RNF214: variants seen among roughly 807,000 people sequenced by gnomAD.
RNF214 encodes ring finger protein 214.
A neutral mutation model predicts 75.9 loss-of-function variants in RNF214; 25 were observed. The observed-to-expected ratio is 0.33, with a 90% CI of 0.24 to 0.46. The LOEUF (loss-of-function observed/expected upper bound fraction) is 0.46, where lower values mean the gene tolerates loss of function less well. RNF214 is among the 20% of genes least tolerant of loss of function. The pLI, the probability that RNF214 is intolerant of heterozygous loss-of-function variation, is 1.00. For synonymous variants in RNF214, 314 were observed against 308.8 expected (o/e 1.02, Z -0.18); for missense variants, 725 against 857.5 (o/e 0.85, Z 1.93).
chr11:117,245,154 C>A (rs55808938), intron 5 of RNF214, among the ~76,000 whole-genome samples: 2 of 149,228 alleles, frequency 1.3e-5, no homozygotes, highest in South Asian at 4.4e-4. Flanking sequence ...CCCATCTTTA[C>A]CAAAAATACA....
intron 12 of RNF214, 79 bp from the exon 13 acceptor site, chr11:117,282,667 C>A: frequency 6.5e-7 from 1 of 1,546,464 alleles, no homozygotes; most frequent in South Asian, 1.1e-5. Context: ...CTTTCCTGGA[C>A]TGGGAAATAA....
intron 6 of RNF214, among the ~76,000 whole-genome samples, chr11:117,269,720 C>G (rs1425420034): frequency 2.0e-5 from 3 of 152,230 alleles, no homozygotes; most frequent in East Asian, 3.9e-4. Context: ...TCTGTCTGAA[C>G]TGTCCTCAGA....
intron 1 of RNF214, among the ~76,000 whole-genome samples, 159 bp from the exon 2 acceptor site, chr11:117,234,108 A>T (rs547729765): frequency 6.6e-6 from 1 of 152,194 alleles, no homozygotes; most frequent in African/African-American, 2.4e-5. Context: ...TTTGCATACA[A>T]TGTCTCTTTT....
intron 6 of RNF214, among the ~76,000 whole-genome samples, chr11:117,252,741 CG>C (rs571631507): frequency 0.013 from 2,013 of 151,908 alleles, 39 homozygotes; most frequent in African/African-American, 0.044. Flanking sequence ...AGGATGGTCT[CG>C]CTCTCCTGAC....
Position 117,282,208 on chromosome 11 carries a change from AC to A in RNF214, c.1652del (p.Pro551GlnfsTer2). ...KASAETPRPQ[P>X]VDKLEKILEK... ...CTTCTGCTGAAACTCCCCGGCCCCA[AC>A]CAGTAGACAAACTGGAGAAGATCCT... On this transcript the variant is annotated frameshift_variant, in exon 11 of 15. Coordinates refer to ENST00000300650, the MANE Select transcript of RNF214 (RefSeq NM_207343.4). LOFTEE classifies it high-confidence loss of function. The A allele has an allele frequency of 6.2e-7, 1 of 1,611,990 alleles. No individual in the cohort carries two copies. The highest frequency in any genetic ancestry group is 8.5e-7 in the Non-Finnish European group (1 of 1,178,886).
At chr11:117,255,221 A>C (rs1293786731) in intron 6 of RNF214, among the ~76,000 whole-genome samples, 1 of 152,162 alleles carries the variant, frequency 6.6e-6, no homozygotes. Flanking sequence ...TCATCAATGG[A>C]AACTTCCCTC....
intron 6 of RNF214, among the ~76,000 whole-genome samples, chr11:117,263,164 A>G (rs768332315): frequency 1.3e-5 from 2 of 150,790 alleles, no homozygotes; most frequent in Non-Finnish European, 3.0e-5. Flanking sequence ...TTGAAACTGT[A>G]TTGTTAGATA....
At chr11:117,263,378 C>T (rs11216341) in intron 6 of RNF214, among the ~76,000 whole-genome samples, 11,592 of 151,762 alleles carry the variant, frequency 0.076, 529 homozygotes, top group East Asian at 0.14. Context: ...TGGGTGCAAG[C>T]GATTCTCCTG....
intron 6 of RNF214, among the ~76,000 whole-genome samples, chr11:117,267,681 ATT>A (rs1322176907): frequency 6.6e-6 from 1 of 152,060 alleles, no homozygotes; most frequent in Non-Finnish European, 1.5e-5. Flanking sequence ...GTGAGCTGAA[ATT>A]GCACCACTGC....
At chr11:117,252,640 CCTCCCGAGTAGCTGGGA>C (rs1375130106) in intron 6 of RNF214, among the ~76,000 whole-genome samples, 1 of 152,112 alleles carries the variant, frequency 6.6e-6, no homozygotes, top group Non-Finnish European at 1.5e-5. Flanking sequence ...CCTGCCTCAG[CCTCCCGAGTAGCTGGGA>C]CTACATGTGC....
At chr11:117,284,812 C>T (rs1463299363) in intron 14 of RNF214, among the ~76,000 whole-genome samples, 1 of 152,066 alleles carries the variant, frequency 6.6e-6, no homozygotes, top group Admixed American at 6.6e-5. Flanking sequence ...CGCCTGTAAT[C>T]CCAGCTACTC....
intron 6 of RNF214, among the ~76,000 whole-genome samples, chr11:117,275,732 T>G (rs535549286): frequency 1.3e-5 from 2 of 152,282 alleles, no homozygotes; most frequent in African/African-American, 4.8e-5. Context: ...AGTAGTTTGA[T>G]TGAATCAGTA....
At chr11:117,276,276 A>T (rs1226905708) in intron 6 of RNF214, among the ~76,000 whole-genome samples, 1 of 152,182 alleles carries the variant, frequency 6.6e-6, no homozygotes, top group Non-Finnish European at 1.5e-5. Context: ...CACAGCCACC[A>T]TCATACTGAA....
intron 6 of RNF214, among the ~76,000 whole-genome samples, chr11:117,249,559 A>G (rs1030377664): frequency 4.6e-5 from 7 of 152,192 alleles, no homozygotes; most frequent in African/African-American, 1.7e-4. Flanking sequence ...ACCGGGACAC[A>G]TAGATTTTGG....
chr11:117,269,290 C>G (rs1426322557), intron 6 of RNF214, among the ~76,000 whole-genome samples: 1 of 152,088 alleles, frequency 6.6e-6, no homozygotes, highest in Non-Finnish European at 1.5e-5. Flanking sequence ...CAACAATGGC[C>G]TGGGACAAGG....
chr11:117,236,698 G>A (rs1035450404), intron 2 of RNF214, among the ~76,000 whole-genome samples: 4 of 152,144 alleles, frequency 2.6e-5, no homozygotes, highest in South Asian at 2.1e-4. Context: ...AATATTATTC[G>A]CATTTACCGG....
chr11:117,267,085 T>G (rs2033812463), intron 6 of RNF214, among the ~76,000 whole-genome samples: 1 of 151,990 alleles, frequency 6.6e-6, no homozygotes, highest in East Asian at 1.9e-4. Context: ...CAGACAGTGC[T>G]CTCATATCAG....
chr11:117,248,329 G>A (rs2033284399), intron 6 of RNF214, among the ~76,000 whole-genome samples: 1 of 152,148 alleles, frequency 6.6e-6, no homozygotes, highest in African/African-American at 2.4e-5. Context: ...GCCTGCCTCG[G>A]CCTCCCAAAG....
At chr11:117,257,945 C>G (rs1565338004) in intron 6 of RNF214, among the ~76,000 whole-genome samples, 1 of 152,122 alleles carries the variant, frequency 6.6e-6, no homozygotes, top group Non-Finnish European at 1.5e-5. Context: ...TGAAAATTTT[C>G]AAACATTGAG....
Sources: allele counts gnomAD v4.1 joint callset (sites outside exome capture counted in the v4.1 genomes callset), GRCh38; gene constraint gnomAD v4.1.1; transcripts MANE v1.5; gene names NCBI Gene and HGNC (gene_info 2026-07-23, HGNC 2026-07-21).